HTR2C: variants seen among roughly 807,000 people sequenced by gnomAD.
HTR2C encodes 5-hydroxytryptamine (serotonin) receptor 2C, G protein-coupled.
HTR2C carries 5 observed loss-of-function variants against 21.0 expected under a neutral mutation model. The observed-to-expected ratio is 0.24, with a 90% CI of 0.12 to 0.50. HTR2C has a LOEUF of 0.50. HTR2C is among the 20% of genes least tolerant of loss of function. The pLI, the probability that HTR2C is intolerant of heterozygous loss-of-function variation, is 0.98. For missense variants in HTR2C, 271 were observed against 371.2 expected, an observed-to-expected ratio of 0.73 and a Z score of 2.22; for synonymous variants, 150 against 145.3, an observed-to-expected ratio of 1.03 and a Z score of -0.23.
chrX:114,806,127 G>A (rs2070426461), intron 4 of HTR2C, among the ~76,000 whole-genome samples: 1 of 93,780 alleles, frequency 1.1e-5, no homozygotes, highest in Admixed American at 1.2e-4. Flanking sequence ...TGCACCATAT[G>A]TATACATATA....
At chrX:114,593,290 C>A (rs1273672674) in intron 1 of HTR2C, among the ~76,000 whole-genome samples, 1 of 111,631 alleles carries the variant, frequency 9.0e-6, no homozygotes, top group Non-Finnish European at 1.9e-5. Context: ...GATATGGAGT[C>A]TTGCTATGTT....
intron 1 of HTR2C, among the ~76,000 whole-genome samples, chrX:114,586,940 G>T (rs1927424665): frequency 1.8e-5 from 2 of 111,211 alleles, no homozygotes; most frequent in African/African-American, 3.3e-5. Context: ...TAAGGCAAGA[G>T]AATAAGAAAT....
In HTR2C at chrX:114,687,271, C is replaced by G. The variant is rs782654167; in HGVS notation, c.-79-39587C>G. 3.6e-5 allele frequency among the ~76,000 whole-genome samples: 4 copies of G among 112,249 alleles called. No homozygotes were observed. The South Asian group carries it at 1.5e-3, about 41-fold the overall frequency. On this transcript the variant is annotated intron_variant, in intron 2 of 5. Coordinates refer to ENST00000276198, the MANE Select transcript of HTR2C (RefSeq NM_000868.4). ...GTTTAGAAAACAATTTGGTCTAGTG[C>G]TGGTTATATTTGCACTTTCACAATA...
chrX:114,775,944 C>A, intron 4 of HTR2C: 1 of 371,968 alleles, frequency 2.7e-6, no homozygotes. Flanking sequence ...TCAATACTGG[C>A]CTGGGTCCTG....
At position 114,595,380 on chromosome X, in the gene HTR2C, GGTTGTT is replaced by G. The variant is rs76801152; in HGVS notation, c.-147+10740_-147+10745del. Among the ~76,000 whole-genome samples, 236 of 102,930 alleles carry G rather than the reference GGTTGTT, an allele frequency of 2.3e-3. 1 individual carries two copies. In the Middle Eastern group the frequency reaches 0.029, roughly 13 times the overall value. 89.4% of individuals were successfully genotyped at this position (102,930 alleles called of 115,157 possible). A position where few individuals can be genotyped will look rare whatever the true frequency, so the allele number is the denominator to read the frequency against. ...CTGTAGGTGTGTGTCACCGTGCCCA[GGTTGTT>G]GTTGTTGTTGTTGTTGTTTTGTAGA... On this transcript the variant is annotated intron_variant, in intron 1 of 5. Transcript: ENST00000276198.
chrX:114,819,835 G>A (rs2070616253), intron 4 of HTR2C, among the ~76,000 whole-genome samples: 1 of 112,495 alleles, frequency 8.9e-6, no homozygotes, highest in African/African-American at 3.2e-5. Context: ...TTGTTTAGCT[G>A]CTAGAGAAAA....
chrX:114,611,832 A>G lies in HTR2C; in HGVS notation c.-146-1983A>G, dbSNP rs1195700857. Among the ~76,000 whole-genome samples, 4 of 110,824 alleles carry G rather than the reference A, an allele frequency of 3.6e-5. No homozygotes were observed. In the South Asian group the frequency reaches 1.2e-3, roughly 32 times the overall value. On this transcript the variant is annotated intron_variant, in intron 1 of 5. Coordinates refer to ENST00000276198, the MANE Select transcript of HTR2C (RefSeq NM_000868.4). Reference sequence around the variant, plus strand: ...CCTGCCTCAGCCTCCCGAGTAGCTGAGACTATAGGCGCCCGCCACCACGCC... The same window carrying G: ...CCTGCCTCAGCCTCCCGAGTAGCTGGGACTATAGGCGCCCGCCACCACGCC...
chrX:114,676,271 C>T (rs1556412643), intron 2 of HTR2C, among the ~76,000 whole-genome samples: 2 of 111,661 alleles, frequency 1.8e-5, no homozygotes, highest in Non-Finnish European at 3.8e-5. Context: ...CTTCCTAATG[C>T]ATATAGAAAA....
chrX:114,587,852 A>G (rs1927464778), intron 1 of HTR2C, among the ~76,000 whole-genome samples: 2 of 112,269 alleles, frequency 1.8e-5, no homozygotes, highest in African/African-American at 3.2e-5. Flanking sequence ...AAAACAACCA[A>G]GTGGTTAAGC....
At chrX:114,794,964 A>G (rs1446247616) in intron 4 of HTR2C, among the ~76,000 whole-genome samples, 2 of 108,942 alleles carry the variant, frequency 1.8e-5, no homozygotes, top group Non-Finnish European at 3.8e-5. Context: ...TGACTTCCAC[A>G]ATGGTTGAAC....
chrX:114,722,588 G>T (rs1363879286), intron 2 of HTR2C, among the ~76,000 whole-genome samples: 2 of 108,491 alleles, frequency 1.8e-5, no homozygotes, highest in Admixed American at 2.0e-4. Flanking sequence ...TCCCTGTCTT[G>T]TGCCAGTTTT....
At chrX:114,894,804 TCTGCCTC>T (rs2071284143) in intron 5 of HTR2C, among the ~76,000 whole-genome samples, 1 of 110,639 alleles carries the variant, frequency 9.0e-6, no homozygotes, top group Non-Finnish European at 1.9e-5. Flanking sequence ...CACTGCAACC[TCTGCCTC>T]CTGGGTTCAA....
At chrX:114,612,920 TTTTTA>T (rs782037345) in intron 1 of HTR2C, among the ~76,000 whole-genome samples, 3 of 109,186 alleles carry the variant, frequency 2.7e-5, no homozygotes, top group Non-Finnish European at 5.7e-5. Flanking sequence ...TGCTGATTGT[TTTTTA>T]TTTTATTTTA....
intron 5 of HTR2C, among the ~76,000 whole-genome samples, chrX:114,870,268 G>A (rs1556476006): frequency 9.1e-6 from 1 of 109,819 alleles, no homozygotes; most frequent in Non-Finnish European, 1.9e-5. Flanking sequence ...TTGTATCAGA[G>A]ATGAGGTTTT....
chrX:114,633,737 T>C (rs1211072495), intron 2 of HTR2C, among the ~76,000 whole-genome samples: 1 of 110,368 alleles, frequency 9.1e-6, no homozygotes, highest in East Asian at 2.9e-4. Flanking sequence ...TGTAAAGATG[T>C]GTTTTATTAA....
intron 2 of HTR2C, among the ~76,000 whole-genome samples, chrX:114,658,855 A>G (rs1230022205): frequency 1.8e-5 from 2 of 111,683 alleles, no homozygotes; most frequent in Non-Finnish European, 3.8e-5. Context: ...GGGGGGCAAA[A>G]GTTTTAGGAT....
chrX:114,715,121 A>G, intron 2 of HTR2C: 1 of 223,658 alleles, frequency 4.5e-6, no homozygotes, highest in Non-Finnish European at 9.3e-6. Context: ...TCTTTTTTCC[A>G]GATGAGACAG....
chrX:114,640,761 G>A (rs181163449), intron 2 of HTR2C, among the ~76,000 whole-genome samples: 58 of 111,887 alleles, frequency 5.2e-4, no homozygotes, highest in African/African-American at 1.6e-3. Flanking sequence ...TTACAGTCTG[G>A]GGAATAGAGA....
intron 5 of HTR2C, among the ~76,000 whole-genome samples, chrX:114,901,237 G>T (rs1048910177): frequency 6.2e-5 from 7 of 112,185 alleles, no homozygotes; most frequent in African/African-American, 2.3e-4. Flanking sequence ...TGTGTTGCTT[G>T]AATTCAAGGT....
Sources: gnomAD v4.1 joint callset for allele counts (sites outside exome capture counted in the v4.1 genomes callset) on GRCh38, gnomAD v4.1.1 for gene constraint, MANE v1.5 for transcripts, NCBI Gene and HGNC (gene_info 2026-07-23, HGNC 2026-07-21) for gene names.